PRR16: variants seen among roughly 807,000 people sequenced by gnomAD.
PRR16 encodes protein Largen.
A neutral mutation model predicts 18.2 loss-of-function variants in PRR16; 6 were observed. The ratio of observed to expected loss-of-function variants is 0.33; its 90% CI spans 0.18 to 0.65. PRR16 has a LOEUF of 0.65. Ranked by LOEUF, PRR16 falls within the 30% of genes least tolerant of loss-of-function variation. The pLI, the probability that PRR16 is intolerant of heterozygous loss-of-function variation, is 0.74. For missense variants in PRR16, 412 were observed against 376.6 expected (o/e 1.09, Z -0.78); for synonymous variants, 151 against 147.8 (o/e 1.02, Z -0.16).
intron 1 of PRR16, among the ~76,000 whole-genome samples, chr5:120,479,283 T>C (rs1749536827): frequency 6.6e-6 from 1 of 152,138 alleles, no homozygotes; most frequent in Admixed American, 6.6e-5. Context: ...TCATATGCGT[T>C]TTCAATCTGT....
chr5:120,535,672 C>G (rs1751694407), intron 1 of PRR16, among the ~76,000 whole-genome samples: 1 of 152,066 alleles, frequency 6.6e-6, no homozygotes. Context: ...TGGTGGCTCA[C>G]TCCTGTAATC....
chr5:120,656,432 A>C (rs1755978686), intron 1 of PRR16, among the ~76,000 whole-genome samples: 1 of 151,320 alleles, frequency 6.6e-6, no homozygotes, highest in Admixed American at 6.6e-5. Context: ...GCTCCAAAGA[A>C]AATAGAAAGC....
At chr5:120,688,482 CTT>C (rs957700817), downstream of PRR16, among the ~76,000 whole-genome samples, 4 of 152,086 alleles carry the variant, frequency 2.6e-5, no homozygotes, top group African/African-American at 9.7e-5. Context: ...AAATTATAGA[CTT>C]ATTAAATACC....
At chr5:120,627,969 T>C (rs1227648540) in intron 1 of PRR16, among the ~76,000 whole-genome samples, 1 of 152,126 alleles carries the variant, frequency 6.6e-6, no homozygotes, top group East Asian at 1.9e-4. Context: ...TTAGCATAAT[T>C]ATATTTCTTA....
chr5:120,704,828 A>T, the PRR16 span, among the ~76,000 whole-genome samples: 1,622 of 152,332 alleles, frequency 0.011, 27 homozygotes, highest in African/African-American at 0.037. Flanking sequence ...GACAGTATAT[A>T]GTCAGTACTT....
At chr5:120,590,902 A>C (rs182825327) in intron 1 of PRR16, among the ~76,000 whole-genome samples, 1 of 152,286 alleles carries the variant, frequency 6.6e-6, no homozygotes, top group African/African-American at 2.4e-5. Context: ...GTAGTGCACA[A>C]TAAACAAAGC....
At chr5:120,524,204 T>C (rs1259090432) in intron 1 of PRR16, among the ~76,000 whole-genome samples, 2 of 152,186 alleles carry the variant, frequency 1.3e-5, no homozygotes, top group African/African-American at 2.4e-5. Flanking sequence ...TTAAAATCTT[T>C]CTGCAGGATA....
the PRR16 span, among the ~76,000 whole-genome samples, chr5:120,775,621 TTTTC>T: frequency 1.5e-4 from 23 of 151,600 alleles, no homozygotes; most frequent in Admixed American, 1.1e-3. Flanking sequence ...CCTTTTCTCT[TTTTC>T]TTTCTCCTTT....
chr5:120,749,341 T>C, the PRR16 span, among the ~76,000 whole-genome samples: 8 of 152,084 alleles, frequency 5.3e-5, no homozygotes, highest in Non-Finnish European at 1.0e-4. Context: ...TAAGACAAAA[T>C]TGTTATGTTA....
At chr5:120,732,190 T>C in the PRR16 span, among the ~76,000 whole-genome samples, 1 of 152,324 alleles carries the variant, frequency 6.6e-6, no homozygotes, top group South Asian at 2.1e-4. Flanking sequence ...AGTAATAGTT[T>C]GGTAAGAATT....
intron 1 of PRR16, among the ~76,000 whole-genome samples, chr5:120,616,012 A>C (rs1754498881): frequency 6.6e-6 from 1 of 152,170 alleles, no homozygotes; most frequent in Admixed American, 6.6e-5. Context: ...ATAACATAAG[A>C]AGCAGCAAGA....
chr5:120,721,570 C>A, the PRR16 span, among the ~76,000 whole-genome samples: 7 of 151,956 alleles, frequency 4.6e-5, no homozygotes, highest in Admixed American at 2.0e-4. Context: ...GAGGCAACAC[C>A]CTTGAGTGAG....
chr5:120,710,093 C>T, the PRR16 span, among the ~76,000 whole-genome samples: 1 of 152,138 alleles, frequency 6.6e-6, no homozygotes, highest in African/African-American at 2.4e-5. Flanking sequence ...TTCCTACCAA[C>T]AGTGTATGAG....
At chr5:120,476,604 T>C (rs139296604) in intron 1 of PRR16, among the ~76,000 whole-genome samples, 12 of 152,258 alleles carry the variant, frequency 7.9e-5, no homozygotes, top group Admixed American at 7.9e-4. Context: ...AGCCAATCGT[T>C]CTACTTGTGT....
At chr5:120,589,137 C>G (rs918713047) in intron 1 of PRR16, among the ~76,000 whole-genome samples, 2 of 151,978 alleles carry the variant, frequency 1.3e-5, no homozygotes, top group Non-Finnish European at 2.9e-5. Flanking sequence ...AGCTTTTTAT[C>G]CTAATAAGTA....
At position 120,565,744 on chromosome 5, in the gene PRR16, T is replaced by G. The variant is rs1165910950; in HGVS notation, c.159+101099T>G. On this transcript the variant is annotated intron_variant, in intron 1 of 1. Coordinates refer to ENST00000407149, the MANE Select transcript of PRR16 (RefSeq NM_001300783.2). Reference sequence around the variant, plus strand: ...TAGCTTTGTTAATTCTAAAGTGCATTATAAGCCTTAGTAATTATCTTCTTC... The same window carrying G: ...TAGCTTTGTTAATTCTAAAGTGCATGATAAGCCTTAGTAATTATCTTCTTC... Among the ~76,000 whole-genome samples the G allele has an allele frequency of 2.0e-5, 3 of 152,242 alleles. No individual in the cohort carries two copies. The East Asian group carries it at 5.8e-4, about 29-fold the overall frequency.
chr5:120,659,030 T>C (rs1035563047), intron 1 of PRR16, among the ~76,000 whole-genome samples: 4 of 151,874 alleles, frequency 2.6e-5, no homozygotes, highest in African/African-American at 9.7e-5. Context: ...CGACCCCCCA[T>C]CATAGTTCTT....
At chr5:120,526,557 C>T (rs140718421) in intron 1 of PRR16, among the ~76,000 whole-genome samples, 181 of 152,108 alleles carry the variant, frequency 1.2e-3, no homozygotes, top group African/African-American at 4.1e-3. Context: ...TGTGTCCAAC[C>T]CTGGGTACGG....
Position 120,654,954 on chromosome 5 carries a change from A to C in PRR16, c.160-31000A>C, listed in dbSNP as rs1273630783. Among the ~76,000 whole-genome samples, 3 of 151,974 alleles carry C rather than the reference A, an allele frequency of 2.0e-5. No homozygotes were observed. The East Asian group carries it at 5.8e-4, about 29-fold the overall frequency. ...ATTAGAGAAGGGAGAACGATCAAAAACATAATATATAAACACATCTCAAAA... is the reference window on the plus strand; with the variant it reads ...ATTAGAGAAGGGAGAACGATCAAAACCATAATATATAAACACATCTCAAAA... On this transcript the variant is annotated intron_variant, in intron 1 of 1. Coordinates refer to ENST00000407149, the MANE Select transcript of PRR16 (RefSeq NM_001300783.2).
Sources: gnomAD v4.1 joint callset for allele counts (sites outside exome capture counted in the v4.1 genomes callset) on GRCh38, gnomAD v4.1.1 for gene constraint, MANE v1.5 for transcripts, NCBI Gene and HGNC (gene_info 2026-07-23, HGNC 2026-07-21) for gene names.